MAPT: variants seen among roughly 807,000 people sequenced by gnomAD.
The protein encoded by MAPT is microtubule associated protein tau.
MAPT carries 34 observed loss-of-function variants against 67.9 expected under a neutral mutation model. The observed-to-expected ratio is 0.50, with a 90% CI of 0.38 to 0.67. The LOEUF is 0.67. Ranked by LOEUF, MAPT falls within the 30% of genes least tolerant of loss-of-function variation. The pLI is 0.00. For missense variants in MAPT, 881 were observed against 1,115.2 expected (o/e 0.79, Z 2.99); for synonymous variants, 456 against 464.5 (o/e 0.98, Z 0.23).
At chr17:46,000,514 G>A (rs1352384891) in intron 9 of MAPT, among the ~76,000 whole-genome samples, 2 of 152,180 alleles carry the variant, frequency 1.3e-5, no homozygotes, top group African/African-American at 4.8e-5. Context: ...GGGAGTCGTG[G>A]GTGGCAGTGT....
At chr17:45,987,015 G>A (rs1249480366) in intron 5 of MAPT, 25 bp from the exon 6 acceptor site, 3 of 1,606,992 alleles carry the variant, frequency 1.9e-6, no homozygotes, top group Admixed American at 3.3e-5. Context: ...AGTGTGACAA[G>A]CATTCTTATT....
At chr17:45,991,436 C>G (rs1161809562) in intron 7 of MAPT, 24 bp from the exon 8 acceptor site, 1 of 1,613,884 alleles carries the variant, frequency 6.2e-7, no homozygotes, top group Non-Finnish European at 8.5e-7. Context: ...GGTGAAAAAC[C>G]CCTCTATCAT....
At chr17:45,932,505 G>A (rs558352851) in intron 1 of MAPT, among the ~76,000 whole-genome samples, 38 of 147,240 alleles carry the variant, frequency 2.6e-4, no homozygotes, top group African/African-American at 8.5e-4. Flanking sequence ...CAGGAGAATC[G>A]CTTGCACCTG....
At chr17:45,917,415 G>T (rs1435170789) in intron 1 of MAPT, among the ~76,000 whole-genome samples, 9 of 152,180 alleles carry the variant, frequency 5.9e-5, no homozygotes, top group Non-Finnish European at 1.3e-4. Context: ...CTTAAAGAAG[G>T]CTCTGAGTCC....
chr17:46,014,218 C>G, intron 10 of MAPT, 25 bp from the exon 11 acceptor site: 1 of 1,415,028 alleles, frequency 7.1e-7, no homozygotes, highest in South Asian at 1.2e-5. Flanking sequence ...CTTTCCTCTT[C>G]TCTCTCCTCC....
chr17:46,004,974 C>T (rs1363986196), intron 9 of MAPT, among the ~76,000 whole-genome samples: 6 of 152,204 alleles, frequency 3.9e-5, no homozygotes, highest in South Asian at 2.1e-4. Context: ...TTAGTAGAGA[C>T]GGGGTTTCAC....
At chr17:45,932,555 A>G (rs7501759) in intron 1 of MAPT, among the ~76,000 whole-genome samples, 21,119 of 141,960 alleles carry the variant, frequency 0.15, 2,077 homozygotes, top group Middle Eastern at 0.24. Flanking sequence ...TATCTGCACC[A>G]TTGCACTTCA....
intron 3 of MAPT, among the ~76,000 whole-genome samples, chr17:45,972,340 A>C (rs952893903): frequency 3.9e-5 from 6 of 152,098 alleles, no homozygotes; most frequent in Non-Finnish European, 8.8e-5. Context: ...TTGGTTTAGT[A>C]TCCTTCATTT....
chr17:45,974,534 G>A, intron 3 of MAPT: 2 of 1,288,664 alleles, frequency 1.6e-6, no homozygotes, highest in South Asian at 2.5e-5. Flanking sequence ...CAGCTGACCT[G>A]TGACAGAAGT....
At chr17:45,990,417 C>G (rs1011641987) in intron 7 of MAPT, 3 of 436,852 alleles carry the variant, frequency 6.9e-6, no homozygotes, top group African/African-American at 6.0e-5. Flanking sequence ...AGTTCGAGAC[C>G]AGCCTGGCTA....
Position 45,915,850 on chromosome 17 carries a change from C to T in MAPT, c.-18+21164C>T, listed in dbSNP as rs988862776. Among the ~76,000 whole-genome samples, 9 of 152,204 alleles carry T rather than the reference C, an allele frequency of 5.9e-5. No homozygotes were observed. Among genetic ancestry groups the T allele is most frequent in the African/African-American group, 2.2e-4 (9 of 41,448 alleles). Reference sequence around the variant, plus strand: ...TCCCTGAGGTGAGGCTGACTGATGTCATTTGACGATCTTGATGCCAAATCC... The same window carrying T: ...TCCCTGAGGTGAGGCTGACTGATGTTATTTGACGATCTTGATGCCAAATCC... On this transcript the variant is annotated intron_variant, in intron 1 of 12. Coordinates refer to ENST00000262410, the MANE Select transcript of MAPT (RefSeq NM_001377265.1). This position sits in a 1 kb window ranked among gnomAD's most constrained non-coding sequence, Gnocchi z 4.4.
Position 45,915,686 on chromosome 17 carries a change from CAG to C in MAPT, c.-18+21003_-18+21004del, listed in dbSNP as rs1330703881. ...GCACTTTAGAGGGCTCTCCTGGAGT[CAG>C]AGGGGGTGGGTAGGAGGAGAAGGGA... On this transcript the variant is annotated intron_variant, in intron 1 of 12. Coordinates refer to ENST00000262410, the MANE Select transcript of MAPT (RefSeq NM_001377265.1). The surrounding 1 kb of genome is among the most constrained non-coding windows in gnomAD (Gnocchi z 4.4). Among the ~76,000 whole-genome samples, 1 of 151,964 alleles carries C rather than the reference CAG, an allele frequency of 6.6e-6. No homozygotes were observed. Among genetic ancestry groups the C allele is most frequent in the Non-Finnish European group, 1.5e-5 (1 of 67,974 alleles).
intron 6 of MAPT, among the ~76,000 whole-genome samples, chr17:45,989,591 C>A (rs2073893963): frequency 6.6e-6 from 1 of 152,162 alleles, no homozygotes. Flanking sequence ...GCAGAGCTTG[C>A]AGTGAGCCGA....
At chr17:45,946,649 G>T (rs1347566114) in intron 1 of MAPT, among the ~76,000 whole-genome samples, 1 of 136,464 alleles carries the variant, frequency 7.3e-6, no homozygotes, top group African/African-American at 2.8e-5. Flanking sequence ...TGTCAAAAAT[G>T]GGGTAGTTTT....
At position 45,983,439 on chromosome 17, in the gene MAPT, C is replaced by T. The variant is rs368295974; in HGVS notation, c.860C>T (p.Pro287Leu). The T allele has an allele frequency of 1.2e-5, 19 of 1,606,420 alleles. No homozygotes were observed. The highest frequency in any genetic ancestry group is 8.0e-5 in the African/African-American group (6 of 74,724). ...AAGGGGGCAGGGGGCAAAGAGAGGC[C>T]GGGGAGCAAGGAGGAGGTGGATGAA... The part of the protein sequence containing the change: ...PLKGAGGKER[P>L]GSKEEVDEDR... The change falls in exon 5 of 13, where the codon CCG (proline) becomes CTG (leucine). Residue 287 changes from proline (P) to leucine (L), a missense_variant. Transcript: ENST00000262410.
intron 1 of MAPT, among the ~76,000 whole-genome samples, chr17:45,903,213 C>T (rs930082478): frequency 6.6e-6 from 1 of 152,198 alleles, no homozygotes; most frequent in African/African-American, 2.4e-5. Flanking sequence ...TAAAGGACAG[C>T]TCCTCCTCCT....
intron 1 of MAPT, chr17:45,898,852 G>A (rs2063440326): frequency 6.6e-6 from 1 of 152,208 alleles, no homozygotes; most frequent in East Asian, 1.9e-4. Flanking sequence ...GATAAATGGG[G>A]AAATACAGTG....
At chr17:45,999,782 T>G in intron 9 of MAPT, 1 of 907,058 alleles carries the variant, frequency 1.1e-6, no homozygotes, top group Non-Finnish European at 1.6e-6. Context: ...TTGAGATATT[T>G]TGGGGGACGA....
At chr17:45,941,561 T>C (rs1337584803) in intron 1 of MAPT, among the ~76,000 whole-genome samples, 1 of 151,792 alleles carries the variant, frequency 6.6e-6, no homozygotes, top group Non-Finnish European at 1.5e-5. Flanking sequence ...TTGTGCTTCT[T>C]TCTTGCCAGC....
Sources: gnomAD v4.1 joint callset for allele counts (sites outside exome capture counted in the v4.1 genomes callset) on GRCh38, gnomAD v4.1.1 for gene constraint, Gnocchi (gnomAD v3.1) non-coding constraint, MANE v1.5 for transcripts, NCBI Gene and HGNC (gene_info 2026-07-23, HGNC 2026-07-21) for gene names.